Variants in SORL1 observed in about 807,000 individuals in gnomAD.
The protein encoded by SORL1 is sortilin related receptor 1.
In SORL1, 127 loss-of-function variants were observed where a neutral mutation model predicts 273.7. That is an observed-to-expected ratio of 0.46 (90% confidence interval 0.40 to 0.54). SORL1 has a LOEUF of 0.54. Ranked by LOEUF, SORL1 falls within the 20% of genes least tolerant of loss-of-function variation. SORL1 has a pLI of 0.00. For missense variants in SORL1, 2,494 were observed against 2,846.1 expected (o/e 0.88, Z 2.81); for synonymous variants, 1,031 against 1,067.4 (o/e 0.97, Z 0.66).
At chr11:121,518,881 G>C (rs1028134258) in intron 8 of SORL1, among the ~76,000 whole-genome samples, 1 of 152,104 alleles carries the variant, frequency 6.6e-6, no homozygotes, top group Admixed American at 6.5e-5. Flanking sequence ...AGCGTTTCTC[G>C]GCTTTATTGT....
At chr11:121,617,132 A>AG (rs761706311) in intron 41 of SORL1, among the ~76,000 whole-genome samples, 2 of 152,214 alleles carry the variant, frequency 1.3e-5, no homozygotes, top group African/African-American at 2.4e-5. Context: ...GGCTGCCTTT[A>AG]GGGGAAATAG....
At chr11:121,491,407 G>A (rs866751418) in intron 5 of SORL1, among the ~76,000 whole-genome samples, 28 of 152,270 alleles carry the variant, frequency 1.8e-4, no homozygotes, top group Middle Eastern at 3.4e-3. Context: ...ACATGTGCAG[G>A]CAAATGTGTA....
chr11:121,526,427 C>T (rs1862125107), intron 11 of SORL1, among the ~76,000 whole-genome samples: 1 of 151,986 alleles, frequency 6.6e-6, no homozygotes, highest in African/African-American at 2.4e-5. Flanking sequence ...TTTTAAAAAT[C>T]TTTTTTTATT....
At chr11:121,623,726 G>A (rs568417125) in intron 45 of SORL1, among the ~76,000 whole-genome samples, 1 of 152,304 alleles carries the variant, frequency 6.6e-6, no homozygotes, top group Admixed American at 6.5e-5. Flanking sequence ...ATCCTTCCTG[G>A]GTGGCTGGAG....
intron 32 of SORL1, among the ~76,000 whole-genome samples, chr11:121,602,697 C>T (rs1400893760): frequency 6.6e-6 from 1 of 152,218 alleles, no homozygotes; most frequent in African/African-American, 2.4e-5. Context: ...CTTCCTTGCT[C>T]AGGTCACAAT....
intron 2 of SORL1, among the ~76,000 whole-genome samples, chr11:121,472,206 C>A (rs2134784343): frequency 6.6e-6 from 1 of 152,252 alleles, no homozygotes; most frequent in South Asian, 2.1e-4. Flanking sequence ...TTCATAGACA[C>A]CTGTGTGTAG....
At chr11:121,620,638 C>G (rs1156643691) in intron 43 of SORL1, among the ~76,000 whole-genome samples, 1 of 152,134 alleles carries the variant, frequency 6.6e-6, no homozygotes, top group African/African-American at 2.4e-5. Context: ...CCAGAAGCAG[C>G]CTGGGAGAAA....
At chr11:121,567,255 T>G in intron 22 of SORL1, 142 bp downstream of exon 22, 1 of 717,424 alleles carries the variant, frequency 1.4e-6, no homozygotes, top group Non-Finnish European at 2.3e-6. Flanking sequence ...ACCTACCAGA[T>G]ACTCATAAGA....
chr11:121,502,759 G>T (rs1861731041), intron 6 of SORL1, among the ~76,000 whole-genome samples: 1 of 152,064 alleles, frequency 6.6e-6, no homozygotes, highest in African/African-American at 2.4e-5. Flanking sequence ...AGTTATAATA[G>T]TTCTTTATTC....
intron 39 of SORL1, chr11:121,612,312 A>G (rs1232583850): frequency 1.3e-5 from 2 of 155,384 alleles, no homozygotes; most frequent in Admixed American, 6.4e-5. Flanking sequence ...TGATGGGTGG[A>G]TGTATTTTCT....
rs866201628 is a variant in SORL1, at chr11:121,574,308, C to A, written c.3405C>A (p.Ser1135=). ...AGTCTGGGACTTGTATCCCACTGTCCTATAAATGTGACCTTGAGGATGACT... is the reference window on the plus strand; with the variant it reads ...AGTCTGGGACTTGTATCCCACTGTCATATAAATGTGACCTTGAGGATGACT... ...CQESGTCIPL[S]YKCDLEDDCG... Residue 1135 remains serine, a synonymous_variant, in exon 24 of 48, where the codon TCC becomes TCA. Coordinates refer to ENST00000260197, the MANE Select transcript of SORL1 (RefSeq NM_003105.6). 3.1e-6 allele frequency: 5 copies of A among 1,613,668 alleles called. No homozygotes were observed. The highest frequency in any genetic ancestry group is 3.3e-5 in the Admixed American group (2 of 60,026).
chr11:121,574,245 C>T lies in SORL1; in HGVS notation c.3342C>T (p.Thr1114=), dbSNP rs1485054846. The part of the protein sequence containing the change: ...GDMSDERNCP[T]TICDLDTQFR... Reference sequence around the variant, plus strand: ...TGTCTTTCTATCCCATTTTAGCTACCACCATCTGTGACCTGGACACCCAGT... The same window carrying T: ...TGTCTTTCTATCCCATTTTAGCTACTACCATCTGTGACCTGGACACCCAGT... The change falls in exon 24 of 48, where the codon ACC becomes ACT. Residue 1114 remains threonine (T), a synonymous_variant. Transcript: ENST00000260197. 1.2e-6 allele frequency: 2 copies of T among 1,613,572 alleles called. No individual in the cohort carries two copies. The highest frequency in any genetic ancestry group is 1.3e-5 in the African/African-American group (1 of 74,900).
chr11:121,622,067 A>G (rs1359116024), intron 44 of SORL1, 95 bp from the exon 45 acceptor site: 1 of 735,012 alleles, frequency 1.4e-6, no homozygotes, highest in Non-Finnish European at 2.3e-6. Flanking sequence ...CAGCCCTCCA[A>G]GGCTAGCATT....
At chr11:121,507,740 A>C (rs952979263) in intron 6 of SORL1, among the ~76,000 whole-genome samples, 6 of 147,794 alleles carry the variant, frequency 4.1e-5, no homozygotes, top group Admixed American at 6.8e-5. Flanking sequence ...AGCTTATTTA[A>C]TTTTTTTTTT....
intron 36 of SORL1, 33 bp downstream of exon 36, chr11:121,606,990 G>A: frequency 6.7e-7 from 1 of 1,485,316 alleles, no homozygotes; most frequent in Non-Finnish European, 9.4e-7. Context: ...CTGTATGTGT[G>A]TTGGGGGTGC....
intron 36 of SORL1, 105 bp from the exon 37 acceptor site, chr11:121,607,080 AT>A: frequency 1.0e-6 from 1 of 1,004,870 alleles, no homozygotes; most frequent in Non-Finnish European, 1.6e-6. Context: ...CCGTCAGAAC[AT>A]TTTGCTCCTC....
chr11:121,574,413 G>A, intron 24 of SORL1, 50 bp downstream of exon 24: 1 of 1,586,476 alleles, frequency 6.3e-7, no homozygotes, highest in Non-Finnish European at 8.6e-7. Context: ...GGGGGTCATT[G>A]TGCTCCCTCA....
At chr11:121,597,518 C>T (rs753427624) in intron 32 of SORL1, among the ~76,000 whole-genome samples, 6 of 149,196 alleles carry the variant, frequency 4.0e-5, no homozygotes, top group East Asian at 2.0e-4. Context: ...AGTGCAGGGG[C>T]GGGTGGGATC....
At chr11:121,590,802 G>T (rs772158964) in intron 30 of SORL1, 199 bp from the exon 31 acceptor site, 22 of 770,550 alleles carry the variant, frequency 2.9e-5, no homozygotes, top group African/African-American at 5.1e-5. Context: ...CTCCCCAAAA[G>T]GGAAAAGAAT....
Sources: gnomAD v4.1 joint callset for allele counts (sites outside exome capture counted in the v4.1 genomes callset) on GRCh38, gnomAD v4.1.1 for gene constraint, MANE v1.5 for transcripts, NCBI Gene and HGNC (gene_info 2026-07-23, HGNC 2026-07-21) for gene names.